Variants in SPAG9 observed in about 807,000 individuals in gnomAD.
SPAG9 encodes the protein sperm associated antigen 9.
In SPAG9, 35 loss-of-function variants were observed where a neutral mutation model predicts 166.5. The ratio of observed to expected loss-of-function variants is 0.21; its 90% CI spans 0.16 to 0.28. The LOEUF (loss-of-function observed/expected upper bound fraction) is 0.28. Ranked by LOEUF, SPAG9 falls within the 10% of genes least tolerant of loss-of-function variation. SPAG9 has a pLI of 1.00. For missense variants in SPAG9, 1,235 were observed against 1,603.3 expected (o/e 0.77, Z 3.92); for synonymous variants, 534 against 565.5 (o/e 0.94, Z 0.79).
At chr17:51,004,864 A>G (rs1045186200) in intron 12 of SPAG9, among the ~76,000 whole-genome samples, 2 of 152,252 alleles carry the variant, frequency 1.3e-5, no homozygotes, top group Admixed American at 6.5e-5. Context: ...ATACTGTTAA[A>G]TAATTTTTAT....
chr17:51,061,612 CAAAAAAAAAAAAAAA>C (rs34010166), intron 2 of SPAG9, among the ~76,000 whole-genome samples: 1 of 31,726 alleles, frequency 3.2e-5, no homozygotes, highest in East Asian at 9.8e-4. Flanking sequence ...GCTCTGTCTC[CAAAAAAAAAAAAAAA>C]AAAAAAAAAA....
chr17:51,007,704 A>C (rs575860392), intron 9 of SPAG9: 22 of 351,834 alleles, frequency 6.3e-5, no homozygotes, highest in Non-Finnish European at 1.2e-4. Context: ...GAACAGCTTT[A>C]ATATGGATCG....
intron 9 of SPAG9, among the ~76,000 whole-genome samples, chr17:51,009,911 C>T (rs1181392302): frequency 6.6e-6 from 1 of 151,910 alleles, no homozygotes; most frequent in Admixed American, 6.6e-5. Flanking sequence ...GAATATATAA[C>T]CAATAGGATT....
chr17:51,120,297 CG>C lies in SPAG9; in HGVS notation c.303+56del. On this transcript the variant is annotated intron_variant, in intron 1 of 29. Coordinates refer to ENST00000262013, the MANE Select transcript of SPAG9 (RefSeq NM_001130528.3). This position sits in a 1 kb window ranked among gnomAD's most constrained non-coding sequence, Gnocchi z 4.7. ...CTAGTCCCCGACCGGGCCGCGACCC[CG>C]CCCCGGCCGCCCCCGGAGACGGATC... The C allele has an allele frequency of 7.0e-7, 1 of 1,428,312 alleles. No individual in the cohort carries two copies. The highest frequency in any genetic ancestry group is 9.2e-7 in the Non-Finnish European group (1 of 1,085,454). The allele number at this position is 1,428,312 out of a possible 1,614,324, so 88.5% of individuals were successfully genotyped here.
At chr17:50,988,736 T>C (rs1020505924) in intron 21 of SPAG9, among the ~76,000 whole-genome samples, 3 of 152,132 alleles carry the variant, frequency 2.0e-5, no homozygotes, top group African/African-American at 7.2e-5. Flanking sequence ...AAGTTTTTTG[T>C]AGAGATGAGG....
chr17:50,980,834 C>T lies in SPAG9; in HGVS notation c.3238-917G>A, dbSNP rs577404218. Among the ~76,000 whole-genome samples the T allele has an allele frequency of 3.3e-5, 5 of 152,088 alleles. No individual in the cohort carries two copies. In the South Asian group the frequency reaches 1.0e-3, roughly 32 times the overall value. On this transcript the variant is annotated intron_variant, in intron 25 of 29. Transcript: ENST00000262013. ...ACAACATAGCAAGATCCCGTCTCTA[C>T]AAATAAACTAAAGAAAAATTAGTCA...
intron 6 of SPAG9, among the ~76,000 whole-genome samples, chr17:51,030,687 A>G (rs1854344040): frequency 6.6e-6 from 1 of 152,224 alleles, no homozygotes; most frequent in South Asian, 2.1e-4. Flanking sequence ...GGTAAAATCC[A>G]TCTAAGTGTA....
At chr17:51,104,249 G>C (rs1392557487) in intron 1 of SPAG9, among the ~76,000 whole-genome samples, 1 of 152,150 alleles carries the variant, frequency 6.6e-6, no homozygotes, top group Non-Finnish European at 1.5e-5. Flanking sequence ...CTTAAAGTAG[G>C]CTATCAGTTC....
intron 14 of SPAG9, 69 bp from the exon 15 acceptor site, chr17:50,998,686 T>G: frequency 1.4e-6 from 2 of 1,463,986 alleles, no homozygotes; most frequent in Non-Finnish European, 1.9e-6. Flanking sequence ...TCCACAAACT[T>G]TAATGTTGAA....
At position 51,011,117 on chromosome 17, in the gene SPAG9, C is replaced by T. The variant is rs114640596; in HGVS notation, c.1213+3115G>A. Among the ~76,000 whole-genome samples the T allele has an allele frequency of 8.8e-3, 1,341 of 151,960 alleles. 16 individuals carry two copies. Among genetic ancestry groups the T allele is most frequent in the African/African-American group, 0.031 (1,301 of 41,424 alleles). ...AATAAGAAAGTTGAGGGATGAGACA[C>T]CAATCAAGATAAAGGACAAATTGTT... On this transcript the variant is annotated intron_variant, in intron 9 of 29. Coordinates refer to ENST00000262013, the MANE Select transcript of SPAG9 (RefSeq NM_001130528.3).
At position 51,006,249 on chromosome 17, in the gene SPAG9, A is replaced by AT; in HGVS notation, c.1272-13dup. On this transcript the variant is annotated splice_polypyrimidine_tract_variant and intron_variant, in intron 10 of 29. Transcript: ENST00000262013. The stretch of plus-strand genomic sequence containing the variant: ...TGTTCAAAGCATTTCTAAGAAACAC[A>AT]TATTTCAAGTGCATCATTACAAATA... The AT allele has an allele frequency of 3.1e-6, 5 of 1,611,926 alleles. No individual in the cohort carries two copies. The highest frequency in any genetic ancestry group is 4.2e-6 in the Non-Finnish European group (5 of 1,178,584).
At chr17:51,033,257 G>A (rs2046453705) in intron 5 of SPAG9, among the ~76,000 whole-genome samples, 1 of 149,066 alleles carries the variant, frequency 6.7e-6, no homozygotes. Flanking sequence ...GTAAAAACTT[G>A]GGTAGCTCTC....
rs182066237 is a variant in SPAG9, at chr17:51,049,617, T to C, written c.496-2148A>G. Among the ~76,000 whole-genome samples, 5 of 152,304 alleles carry C rather than the reference T, an allele frequency of 3.3e-5. No individual in the cohort carries two copies. In the East Asian group the frequency reaches 9.7e-4, roughly 29 times the overall value. ...TCGTTTGAGCCAGGGAGATCAAAAC[T>C]GCAGTGAACCATGAGTCTCACTCTG... is the stretch of plus-strand genomic sequence containing the variant. On this transcript the variant is annotated intron_variant, in intron 3 of 29. Transcript: ENST00000262013.
At chr17:50,977,023 G>C in intron 27 of SPAG9, 85 bp downstream of exon 27, 1 of 837,670 alleles carries the variant, frequency 1.2e-6, no homozygotes, top group Non-Finnish European at 2.0e-6. Flanking sequence ...GATTTTCTGA[G>C]CTAACACAGA....
chr17:51,059,411 T>G (rs1048659075), intron 2 of SPAG9, among the ~76,000 whole-genome samples: 2 of 152,036 alleles, frequency 1.3e-5, no homozygotes, highest in African/African-American at 4.8e-5. Context: ...CAAACAAGCT[T>G]TATTGCTCTG....
In SPAG9 at chr17:51,080,117, A is replaced by C. The variant is rs111475551; in HGVS notation, c.304-413T>G. Among the ~76,000 whole-genome samples, 1,328 of 152,268 alleles carry C rather than the reference A, an allele frequency of 8.7e-3. 14 individuals are homozygous for C. The highest frequency in any genetic ancestry group is 0.03 in the African/African-American group (1,244 of 41,560). On this transcript the variant is annotated intron_variant, in intron 1 of 29. Transcript: ENST00000262013. Reference sequence around the variant, plus strand: ...TAATAGTCATAGATTCACCTGAACCATGGAGTTTAAATTCCTAAGAAAAGG... The same window carrying C: ...TAATAGTCATAGATTCACCTGAACCCTGGAGTTTAAATTCCTAAGAAAAGG...
At chr17:51,091,401 C>G (rs1202283481) in intron 1 of SPAG9, among the ~76,000 whole-genome samples, 2 of 152,072 alleles carry the variant, frequency 1.3e-5, no homozygotes, top group Non-Finnish European at 2.9e-5. Context: ...CTACGCTTGG[C>G]AAACCTTAGA....
At position 51,077,057 on chromosome 17, in the gene SPAG9, G is replaced by GCTAT. The variant is rs1218288333; in HGVS notation, c.424+2523_424+2526dup. Among the ~76,000 whole-genome samples, 375 of 126,882 alleles carry GCTAT rather than the reference G, an allele frequency of 3.0e-3. 11 individuals are homozygous for GCTAT. The highest frequency in any genetic ancestry group is 0.01 in the African/African-American group (361 of 34,626). 83.2% of individuals were successfully genotyped at this position (126,882 alleles called of 152,430 possible). A position where few individuals can be genotyped will look rare whatever the true frequency, so the allele number is the denominator to read the frequency against. ...ATCTAGCTATCTAGCTATCTAGCTA[G>GCTAT]CTATCTAGCTAGCTATCTAGCTATC... On this transcript the variant is annotated intron_variant, in intron 2 of 29. Transcript: ENST00000262013.
intron 2 of SPAG9, among the ~76,000 whole-genome samples, chr17:51,060,300 C>T (rs888892532): frequency 9.9e-5 from 15 of 151,760 alleles, no homozygotes; most frequent in African/African-American, 3.1e-4. Flanking sequence ...GGCAAGAGTT[C>T]GAGACCAGCC....
Sources: allele counts gnomAD v4.1 joint callset (sites outside exome capture counted in the v4.1 genomes callset), GRCh38; gene constraint gnomAD v4.1.1; non-coding constraint Gnocchi (gnomAD v3.1); transcripts MANE v1.5; gene names NCBI Gene and HGNC (gene_info 2026-07-23, HGNC 2026-07-21).